CALML4: variants seen among roughly 807,000 people sequenced by gnomAD.
The protein encoded by CALML4 is calmodulin like 4.
Under a neutral mutation model 17.9 loss-of-function variants are expected in CALML4, and 16 were observed. That is an observed-to-expected ratio of 0.89 (90% CI 0.61 to 1.36). The LOEUF (loss-of-function observed/expected upper bound fraction) is 1.36. Ranked by LOEUF, CALML4 falls within the 40% of genes most tolerant of loss-of-function variation. CALML4 has a pLI of 0.00. For synonymous variants in CALML4, 86 were observed against 71.5 expected (o/e 1.20, Z -1.02); for missense variants, 203 against 194.8 (o/e 1.04, Z -0.25).
In CALML4 at chr15:68,200,254, T is replaced by TATCATC. The variant is rs1186323573; in HGVS notation, c.35-579_35-574dup. On this transcript the variant is annotated intron_variant, in intron 2 of 4. Coordinates refer to ENST00000467889, the MANE Select transcript of CALML4 (RefSeq NM_033429.3). This position sits in a 1 kb window ranked among gnomAD's most constrained non-coding sequence, Gnocchi z 4.3. The stretch of plus-strand genomic sequence containing the variant: ...GAGAGTGGCCTTCATATGATGATAT[T>TATCATC]ATCATCATCATCAGAGCTGGGGCAT... 5.9e-5 allele frequency among the ~76,000 whole-genome samples: 9 copies of TATCATC among 152,316 alleles called. No homozygotes were observed. Among genetic ancestry groups the TATCATC allele is most frequent in the African/African-American group, 1.9e-4 (8 of 41,562 alleles).
Position 68,193,221 on chromosome 15 carries a change from T to G in CALML4, c.*794A>C, listed in dbSNP as rs961715831. On this transcript the variant is annotated 3_prime_UTR_variant, in exon 5 of 5. Transcript: ENST00000467889. Reference sequence around the variant, plus strand: ...GAACAGCTCGGAATTCTCACAGCATTGGAAGCCCCCTTCTTGAGCTCTGCA... The same window carrying G: ...GAACAGCTCGGAATTCTCACAGCATGGGAAGCCCCCTTCTTGAGCTCTGCA... 6.6e-6 allele frequency: 1 copy of G among 152,388 alleles called. No individual in the cohort carries two copies. Among genetic ancestry groups the G allele is most frequent in the Non-Finnish European group, 1.5e-5 (1 of 68,192 alleles). The allele number at this position is 152,388 out of a possible 1,614,324, so 9.4% of individuals were successfully genotyped here.
rs545625007 is a variant in CALML4, at chr15:68,204,985, C to T, written c.34+136G>A. On this transcript the variant is annotated intron_variant, in intron 2 of 4. Transcript: ENST00000467889. This position sits in a 1 kb window ranked among gnomAD's most constrained non-coding sequence, Gnocchi z 6.0. ...CCCACCCCGCCAACAGCAGCCTCCC[C>T]GCAGCTCTTGGCCCTGGGTGGGCCC... 5.5e-5 allele frequency: 54 copies of T among 977,662 alleles called. 2 individuals are homozygous for T. The South Asian group carries it at 5.6e-4, about 10-fold the overall frequency. 60.6% of individuals were successfully genotyped at this position (977,662 alleles called of 1,614,324 possible).
In CALML4 at chr15:68,197,610, T is replaced by A; in HGVS notation, c.194A>T (p.Asp65Val). The A allele has an allele frequency of 6.2e-7, 1 of 1,613,912 alleles. No homozygotes were observed. Among genetic ancestry groups the A allele is most frequent in the Non-Finnish European group, 8.5e-7 (1 of 1,179,962 alleles). The change falls in exon 4 of 5, where the codon GAT becomes GTT. Residue 65 changes from aspartate to valine, a missense_variant. Asp to Val is a radical substitution (Grantham distance 152). Coordinates refer to ENST00000467889, the MANE Select transcript of CALML4 (RefSeq NM_033429.3). The surrounding 1 kb of genome is among the most constrained non-coding windows in gnomAD (Gnocchi z 4.1). Reference sequence around the variant, plus strand: ...CATAATGGTCAGAAAAGTGGAGAAATCCAGCTCTCCATTTCCGTCTAGGAA... The same window carrying A: ...CATAATGGTCAGAAAAGTGGAGAAAACCAGCTCTCCATTTCCGTCTAGGAA... ...THGIDGNGEL[D>V]FSTFLTIMHM...
chr15:68,201,849 C>T (rs1402839688), intron 2 of CALML4, among the ~76,000 whole-genome samples: 3 of 152,218 alleles, frequency 2.0e-5, no homozygotes, highest in South Asian at 2.1e-4. Flanking sequence ...TTCCTGCTGG[C>T]CCCTTCCTCC....
intron 2 of CALML4, among the ~76,000 whole-genome samples, chr15:68,201,813 A>G (rs1281714468): frequency 6.6e-6 from 1 of 152,194 alleles, no homozygotes; most frequent in Non-Finnish European, 1.5e-5. Context: ...GAACAAGACA[A>G]CAGGGTGCTG....
At chr15:68,205,698 C>A (rs529439954), upstream of CALML4, 4 of 334,592 alleles carry the variant, frequency 1.2e-5, no homozygotes, top group Admixed American at 1.6e-4. This position sits in a 1 kb window ranked among gnomAD's most constrained non-coding sequence, Gnocchi z 4.8. Context: ...AGGAAGGGAA[C>A]CCTTCCAAGA....
intron 4 of CALML4, among the ~76,000 whole-genome samples, chr15:68,196,864 A>G (rs1412533860): frequency 1.3e-5 from 2 of 152,158 alleles, no homozygotes; most frequent in South Asian, 2.1e-4. Context: ...CAGTTCTCCA[A>G]CTGTCCTGGC....
rs1410424710 is a variant in CALML4, at chr15:68,204,709, G to C, written c.34+412C>G. Among the ~76,000 whole-genome samples, 1 of 152,126 alleles carries C rather than the reference G, an allele frequency of 6.6e-6. No homozygotes were observed. Among genetic ancestry groups the C allele is most frequent in the African/African-American group, 2.4e-5 (1 of 41,402 alleles). On this transcript the variant is annotated intron_variant, in intron 2 of 4. Coordinates refer to ENST00000467889, the MANE Select transcript of CALML4 (RefSeq NM_033429.3). This position sits in a 1 kb window ranked among gnomAD's most constrained non-coding sequence, Gnocchi z 6.0. ...ACAGATAGGGAGACTGAGGCGCAGAGAGTAGACGCATCCTGCCAGAGAGTG... is the reference window on the plus strand; with the variant it reads ...ACAGATAGGGAGACTGAGGCGCAGACAGTAGACGCATCCTGCCAGAGAGTG...
Position 68,204,378 on chromosome 15 carries a change from T to C in CALML4, c.34+743A>G, listed in dbSNP as rs892314026. On this transcript the variant is annotated intron_variant, in intron 2 of 4. Transcript: ENST00000467889. This position sits in a 1 kb window ranked among gnomAD's most constrained non-coding sequence, Gnocchi z 6.0. Reference sequence around the variant, plus strand: ...ATGCCTCGGGGGACTCTCAGGCCCATTGACGTCCACTGTTGGGACAGGTTT... The same window carrying C: ...ATGCCTCGGGGGACTCTCAGGCCCACTGACGTCCACTGTTGGGACAGGTTT... Among the ~76,000 whole-genome samples, 1 of 152,170 alleles carries C rather than the reference T, an allele frequency of 6.6e-6. No individual in the cohort carries two copies.
chr15:68,194,813 C>T (rs184269751), intron 4 of CALML4, among the ~76,000 whole-genome samples: 15 of 152,210 alleles, frequency 9.9e-5, no homozygotes, highest in African/African-American at 3.1e-4. Context: ...CCTCCACAGT[C>T]CCAGGCTTCG....
In CALML4 at chr15:68,205,072, G is replaced by A; in HGVS notation, c.34+49C>T. 1.9e-6 allele frequency: 3 copies of A among 1,603,954 alleles called. No homozygotes were observed. The highest frequency in any genetic ancestry group is 1.7e-4 in the Middle Eastern group (1 of 6,038). The stretch of plus-strand genomic sequence containing the variant: ...ACATGAGCAGAGCAAATTGCCTAAT[G>A]AGACCCATATTTTGCTGAGTTGCTA... On this transcript the variant is annotated intron_variant, in intron 2 of 4. Coordinates refer to ENST00000467889, the MANE Select transcript of CALML4 (RefSeq NM_033429.3). This position sits in a 1 kb window ranked among gnomAD's most constrained non-coding sequence, Gnocchi z 4.8.
Position 68,200,139 on chromosome 15 carries a change from G to T in CALML4, c.35-458C>A, listed in dbSNP as rs1465812967. On this transcript the variant is annotated intron_variant, in intron 2 of 4. Coordinates refer to ENST00000467889, the MANE Select transcript of CALML4 (RefSeq NM_033429.3). This position sits in a 1 kb window ranked among gnomAD's most constrained non-coding sequence, Gnocchi z 4.3. The stretch of plus-strand genomic sequence containing the variant: ...CACAGCAAGGCGTCCAGACCCCCAG[G>T]GGACCTCTGCAAACACAACTTTTCT... Among the ~76,000 whole-genome samples, 3 of 152,126 alleles carry T rather than the reference G, an allele frequency of 2.0e-5. No individual in the cohort carries two copies. Among genetic ancestry groups the T allele is most frequent in the Admixed American group, 2.0e-4 (3 of 15,280 alleles).
Position 68,197,661 on chromosome 15 carries a change from G to C in CALML4, c.176-33C>G, listed in dbSNP as rs369519052. Reference sequence around the variant, plus strand: ...ACCCGCAAACACAGCAGAGTGAGCAGAGGGAAAAAGACTCCTAGGAAGCCA... The same window carrying C: ...ACCCGCAAACACAGCAGAGTGAGCACAGGGAAAAAGACTCCTAGGAAGCCA... On this transcript the variant is annotated intron_variant, in intron 3 of 4. Transcript: ENST00000467889. This position sits in a 1 kb window ranked among gnomAD's most constrained non-coding sequence, Gnocchi z 4.1. 1.0e-3 allele frequency: 1,675 copies of C among 1,600,594 alleles called. 4 individuals are homozygous for C. The highest frequency in any genetic ancestry group is 2.1e-3 in the Admixed American group (121 of 58,480).
In CALML4 at chr15:68,205,180, G is replaced by T; in HGVS notation, c.4-29C>A. On this transcript the variant is annotated intron_variant, in intron 1 of 4. Transcript: ENST00000467889. This position sits in a 1 kb window ranked among gnomAD's most constrained non-coding sequence, Gnocchi z 4.8. ...CAGCAGAGAAAGGAAAACAGTCAGGGGAGGGCTCCACCTGAGGTTCACGCC... is the reference window on the plus strand; with the variant it reads ...CAGCAGAGAAAGGAAAACAGTCAGGTGAGGGCTCCACCTGAGGTTCACGCC... 1.2e-6 allele frequency: 2 copies of T among 1,614,106 alleles called. No homozygotes were observed. The highest frequency in any genetic ancestry group is 1.7e-6 in the Non-Finnish European group (2 of 1,179,994).
In CALML4 at chr15:68,199,597, AG is replaced by A. The variant is rs1433562959; in HGVS notation, c.118del (p.Leu40TrpfsTer19). On this transcript the variant is annotated frameshift_variant, in exon 3 of 5. Transcript: ENST00000467889. LOFTEE classifies it high-confidence loss of function. ...ATDLMVAMRC[L>X]GASPTPGEVQ... is the part of the protein sequence containing the mutation. ...CTCCCCTGGCGTCGGGCTGGCCCCC[AG>A]GCACCTCATGGCCACCATGAGGTCG... The A allele has an allele frequency of 6.2e-7, 1 of 1,613,592 alleles. No individual in the cohort carries two copies.
chr15:68,204,930 CAT>C lies in CALML4; in HGVS notation c.34+189_34+190del, dbSNP rs373873215. On this transcript the variant is annotated intron_variant, in intron 2 of 4. Transcript: ENST00000467889. The surrounding 1 kb of genome is among the most constrained non-coding windows in gnomAD (Gnocchi z 6.0). ...AGTCACACTGACAAGTATAAAGCCA[CAT>C]GTCTATTTTGGAGGCTTACCCCCAA... Among the ~76,000 whole-genome samples the C allele has an allele frequency of 9.9e-5, 15 of 152,246 alleles. No individual in the cohort carries two copies. Among genetic ancestry groups the C allele is most frequent in the African/African-American group, 2.4e-4 (10 of 41,542 alleles).
chr15:68,197,619 C>A lies in CALML4; in HGVS notation c.185G>T (p.Gly62Val), dbSNP rs2093150391. 6.2e-7 allele frequency: 1 copy of A among 1,613,702 alleles called. No homozygotes were observed. The highest frequency in any genetic ancestry group is 1.3e-5 in the African/African-American group (1 of 74,844). Residue 62 changes from glycine (G) to valine (V), a missense_variant, in exon 4 of 5, where the codon GGA (glycine) becomes GTA (valine). By Grantham distance (109) the Gly-to-Val change is moderately radical (BLOSUM62 -3). Transcript: ENST00000467889. This position sits in a 1 kb window ranked among gnomAD's most constrained non-coding sequence, Gnocchi z 4.1. ...CAGAAAAGTGGAGAAATCCAGCTCT[C>A]CATTTCCGTCTAGGAAACCCGCAAA... ...HLQTHGIDGNGELDFSTFLTI... is the reference protein window; with the variant it reads ...HLQTHGIDGNVELDFSTFLTI...
chr15:68,196,661 C>T (rs1049017511), intron 4 of CALML4, among the ~76,000 whole-genome samples: 12 of 152,128 alleles, frequency 7.9e-5, no homozygotes, highest in African/African-American at 1.2e-4. Context: ...CAGGAGGGTC[C>T]GCAGGCTGGA....
rs1346749671 is a variant in CALML4, at chr15:68,205,142, G to C, written c.13C>G (p.Leu5Val). MAKF[L>V]SQDQINEYKE... The stretch of plus-strand genomic sequence containing the variant: ...CTACCATTAATTTGGTCTTGGGAAA[G>C]AAACTTGGCCTGCAGCAGAGAAAGG... The change falls in exon 2 of 5, where the codon CTT becomes GTT. Residue 5 changes from leucine (L) to valine (V), a missense_variant. Coordinates refer to ENST00000467889, the MANE Select transcript of CALML4 (RefSeq NM_033429.3). The surrounding 1 kb of genome is among the most constrained non-coding windows in gnomAD (Gnocchi z 4.8). 6.2e-7 allele frequency: 1 copy of C among 1,614,198 alleles called. No homozygotes were observed. Among genetic ancestry groups the C allele is most frequent in the East Asian group, 2.2e-5 (1 of 44,878 alleles).
Sources: gnomAD v4.1 joint callset for allele counts (sites outside exome capture counted in the v4.1 genomes callset) on GRCh38, gnomAD v4.1.1 for gene constraint, Gnocchi (gnomAD v3.1) non-coding constraint, MANE v1.5 for transcripts, NCBI Gene and HGNC (gene_info 2026-07-23, HGNC 2026-07-21) for gene names.